The following TMTC1 variants were observed in gnomAD, a reference collection of about 807,000 sequenced individuals.
TMTC1 encodes transmembrane O-mannosyltransferase targeting cadherins 1, also known as protein O-mannosyl-transferase TMTC1.
In TMTC1, 73 loss-of-function variants were observed where a neutral mutation model predicts 104.8. The observed-to-expected ratio is 0.70, with a 90% CI of 0.58 to 0.85. TMTC1 has a LOEUF of 0.85. TMTC1 is among the 40% of genes least tolerant of loss of function. TMTC1 has a pLI of 0.00. For missense variants in TMTC1, 1,035 were observed against 1,096.1 expected (o/e 0.94, Z 0.79); for synonymous variants, 434 against 428.7 (o/e 1.01, Z -0.15).
At chr12:29,661,419 ATTTTTTT>A in intron 5 of TMTC1, 27 of 370,842 alleles carry the variant, frequency 7.3e-5, no homozygotes, top group South Asian at 6.7e-4. Flanking sequence ...AGGTTAAGTA[ATTTTTTT>A]TTTTTTTTTT....
chr12:29,509,959 CT>C (rs1476045992), intron 17 of TMTC1, among the ~76,000 whole-genome samples: 1 of 152,112 alleles, frequency 6.6e-6, no homozygotes, highest in African/African-American at 2.4e-5. Context: ...ATTTGTTGTA[CT>C]TTTTCTAATT....
At chr12:29,704,429 G>A (rs1403452557) in intron 5 of TMTC1, among the ~76,000 whole-genome samples, 1 of 152,168 alleles carries the variant, frequency 6.6e-6, no homozygotes, top group Non-Finnish European at 1.5e-5. Flanking sequence ...GGGGGCATAG[G>A]CAGATAAAGT....
intron 5 of TMTC1, among the ~76,000 whole-genome samples, chr12:29,730,590 AG>A (rs1392680813): frequency 2.6e-5 from 4 of 152,214 alleles, no homozygotes; most frequent in Non-Finnish European, 4.4e-5. Context: ...ATCCCTGAGA[AG>A]GATCACCGGA....
intron 6 of TMTC1, among the ~76,000 whole-genome samples, chr12:29,628,419 C>T (rs76536162): frequency 0.025 from 3,782 of 152,214 alleles, 172 homozygotes; most frequent in African/African-American, 0.087. Context: ...AGGCTTCCAG[C>T]CATCTGAATG....
intron 5 of TMTC1, among the ~76,000 whole-genome samples, chr12:29,642,797 C>T (rs951918663): frequency 5.9e-5 from 9 of 151,852 alleles, no homozygotes; most frequent in Non-Finnish European, 8.8e-5. Flanking sequence ...TGGTGGCGGG[C>T]GCCTGTGGTC....
intron 5 of TMTC1, among the ~76,000 whole-genome samples, chr12:29,643,615 A>ATATGT: frequency 3.8e-5 from 2 of 53,224 alleles, no homozygotes; most frequent in Non-Finnish European, 6.1e-5. Flanking sequence ...TATATATAAT[A>ATATGT]TATATCTATA....
intron 5 of TMTC1, among the ~76,000 whole-genome samples, chr12:29,724,711 C>T (rs920854012): frequency 2.6e-5 from 4 of 152,030 alleles, no homozygotes; most frequent in African/African-American, 7.3e-5. Context: ...TATAGGAATA[C>T]AAACGTGGTG....
intron 5 of TMTC1, among the ~76,000 whole-genome samples, chr12:29,634,293 G>A (rs1591834113): frequency 1.3e-5 from 2 of 152,198 alleles, no homozygotes; most frequent in South Asian, 2.1e-4. Flanking sequence ...TCAAGGACCC[G>A]AGAGCCATTC....
chr12:29,606,196 A>G (rs1946695201), intron 6 of TMTC1, among the ~76,000 whole-genome samples: 1 of 152,208 alleles, frequency 6.6e-6, no homozygotes, highest in Non-Finnish European at 1.5e-5. Flanking sequence ...TCTTTTTGGT[A>G]GAATGATTTT....
chr12:29,643,451 T>TATATGTGATATATATATATATATATCAC (rs1396336965), intron 5 of TMTC1, among the ~76,000 whole-genome samples: 1 of 101,212 alleles, frequency 9.9e-6, no homozygotes, highest in Non-Finnish European at 2.0e-5. Context: ...ATATATCACA[T>TATATGTGATATATATATATATATATCAC]ATATATGATG....
intron 5 of TMTC1, chr12:29,660,845 T>C: frequency 6.6e-7 from 1 of 1,504,342 alleles, no homozygotes; most frequent in South Asian, 1.3e-5. Flanking sequence ...AATGGTCTCA[T>C]GGTAAGCAGG....
chr12:29,583,208 C>T (rs377274503), intron 8 of TMTC1, among the ~76,000 whole-genome samples, 199 bp downstream of exon 8: 1 of 152,154 alleles, frequency 6.6e-6, no homozygotes, highest in Non-Finnish European at 1.5e-5. Context: ...TTAGAAAGAG[C>T]TCATGTTAAG....
chr12:29,519,199 T>C (rs1009351059), intron 12 of TMTC1: 2 of 152,178 alleles, frequency 1.3e-5, no homozygotes, highest in Non-Finnish European at 2.9e-5. Flanking sequence ...CAATGCATTA[T>C]ATATTTTTAA....
intron 9 of TMTC1, among the ~76,000 whole-genome samples, chr12:29,559,663 G>T (rs142565): frequency 0.78 from 118,408 of 152,040 alleles, 48,336 homozygotes; most frequent in East Asian, 0.92. Context: ...TGTTGGCAAA[G>T]ATCCCCAACT....
intron 7 of TMTC1, among the ~76,000 whole-genome samples, chr12:29,589,390 T>C (rs954649700): frequency 1.3e-5 from 2 of 152,240 alleles, no homozygotes; most frequent in Non-Finnish European, 2.9e-5. Flanking sequence ...TTTTGGTTTC[T>C]AGGTCATCCA....
At chr12:29,525,584 C>CTTT (rs35435790) in intron 11 of TMTC1, among the ~76,000 whole-genome samples, 18 of 145,520 alleles carry the variant, frequency 1.2e-4, no homozygotes, top group East Asian at 4.0e-4. Context: ...CATGAAAAGC[C>CTTT]TTTTTTTTTT....
At chr12:29,753,847 C>T (rs767262538) in intron 4 of TMTC1, among the ~76,000 whole-genome samples, 2 of 152,164 alleles carry the variant, frequency 1.3e-5, no homozygotes, top group Non-Finnish European at 1.5e-5. Context: ...GCAGCACTAC[C>T]GGATATGAAA....
chr12:29,574,628 T>A (rs1945771366), intron 8 of TMTC1, among the ~76,000 whole-genome samples: 1 of 152,174 alleles, frequency 6.6e-6, no homozygotes, highest in Admixed American at 6.5e-5. Context: ...TCGCAGATGG[T>A]CACATTCTAG....
rs76424334 is a variant in TMTC1 at position 29,783,568 on chromosome 12, C to T, written c.184G>A (p.Asp62Asn). 3 of 1,481,744 alleles carry T rather than the reference C, an allele frequency of 2.0e-6. No individual in the cohort carries two copies. Among genetic ancestry groups the T allele is most frequent in the Non-Finnish European group, 1.8e-6 (2 of 1,119,674 alleles). 91.8% of individuals were successfully genotyped at this position (1,481,744 alleles called of 1,614,324 possible). Reference sequence around the variant, plus strand: ...CGGAGCGGGGCGCCGGGCCGCACGTCGGGGTTGTTCACGATCGCCCACACG... The same window carrying T: ...CGGAGCGGGGCGCCGGGCCGCACGTTGGGGTTGTTCACGATCGCCCACACG... ...DDVWAIVNNPDVRPGAPLRWG... is the reference protein window; with the variant it reads ...DDVWAIVNNPNVRPGAPLRWG... The change falls in exon 1 of 18, where the codon GAC becomes AAC. Residue 62 changes from aspartate (D) to asparagine (N), a missense_variant. By Grantham distance (23) the Asp-to-Asn change is conservative. Transcript: ENST00000539277. This position sits in a 1 kb window ranked among gnomAD's most constrained non-coding sequence, Gnocchi z 4.7.
Sources: gnomAD v4.1 joint callset for allele counts (sites outside exome capture counted in the v4.1 genomes callset) on GRCh38, gnomAD v4.1.1 for gene constraint, Gnocchi (gnomAD v3.1) non-coding constraint, MANE v1.5 for transcripts, NCBI Gene and HGNC (gene_info 2026-07-23, HGNC 2026-07-21) for gene names.